Variants in CEP70 observed in about 807,000 individuals in gnomAD.
CEP70 encodes centrosomal protein 70.
Under a neutral mutation model 90.9 loss-of-function variants are expected in CEP70, and 70 were observed. The ratio of observed to expected loss-of-function variants is 0.77; its 90% CI spans 0.64 to 0.94. The LOEUF is 0.94. Ranked by LOEUF, CEP70 falls within the 40% of genes least tolerant of loss-of-function variation. The pLI is 0.00. For missense variants in CEP70, 648 were observed against 669.0 expected (o/e 0.97, Z 0.35); for synonymous variants, 220 against 228.3 (o/e 0.96, Z 0.33).
In CEP70 at chr3:138,494,999, A is replaced by T; in HGVS notation, c.*16T>A. On this transcript the variant is annotated 3_prime_UTR_variant, in exon 18 of 18. Transcript: ENST00000264982. ...TAAGAATACAATTTACACAGTAAAA[A>T]TGATTTGATTTGTTTTCAGTATGAA... 1 of 1,311,600 alleles carries T rather than the reference A, an allele frequency of 7.6e-7. No homozygotes were observed. Among genetic ancestry groups the T allele is most frequent in the Non-Finnish European group, 1.1e-6 (1 of 920,382 alleles). 81.2% of individuals were successfully genotyped at this position (1,311,600 alleles called of 1,614,324 possible).
At chr3:138,548,647 T>G (rs1284278151) in intron 6 of CEP70, among the ~76,000 whole-genome samples, 1 of 152,148 alleles carries the variant, frequency 6.6e-6, no homozygotes, top group Non-Finnish European at 1.5e-5. Context: ...CACCATGAAC[T>G]ACAGTGTAAA....
intron 11 of CEP70, among the ~76,000 whole-genome samples, chr3:138,523,745 A>C (rs2036923030): frequency 6.6e-6 from 1 of 152,210 alleles, no homozygotes; most frequent in South Asian, 2.1e-4. Flanking sequence ...AAATGGAAGA[A>C]CGTTCCATGC....
At chr3:138,563,322 CT>C (rs1355540051) in intron 6 of CEP70, among the ~76,000 whole-genome samples, 1 of 152,110 alleles carries the variant, frequency 6.6e-6, no homozygotes, top group Non-Finnish European at 1.5e-5. Context: ...ATATTTAGGA[CT>C]TGAACTCAGC....
At chr3:138,562,359 C>T (rs183681768) in intron 6 of CEP70, among the ~76,000 whole-genome samples, 73 of 152,152 alleles carry the variant, frequency 4.8e-4, no homozygotes, top group Non-Finnish European at 1.0e-4. Flanking sequence ...AAACAGAGAA[C>T]ACCACAAAGA....
At chr3:138,499,476 A>G (rs1165356463) in intron 16 of CEP70, among the ~76,000 whole-genome samples, 1 of 152,200 alleles carries the variant, frequency 6.6e-6, no homozygotes, top group East Asian at 1.9e-4. Context: ...TGTTGCTAAC[A>G]AGGTTTGAAT....
intron 2 of CEP70, among the ~76,000 whole-genome samples, chr3:138,577,625 G>C (rs2041621496): frequency 1.3e-5 from 2 of 152,122 alleles, no homozygotes; most frequent in African/African-American, 4.8e-5. Context: ...TCCAGCCTGG[G>C]TGACAGAGAG....
chr3:138,577,727 A>G (rs1214390232), intron 2 of CEP70, among the ~76,000 whole-genome samples: 1 of 152,196 alleles, frequency 6.6e-6, no homozygotes, highest in Non-Finnish European at 1.5e-5. Context: ...AGAAAAGCAC[A>G]TGGTACTTGA....
At chr3:138,500,657 G>A in intron 14 of CEP70, 78 bp downstream of exon 14, 1 of 1,492,002 alleles carries the variant, frequency 6.7e-7, no homozygotes, top group Admixed American at 2.3e-5. Context: ...AACTCTAGTA[G>A]AACAAATATC....
chr3:138,506,447 C>T (rs1461367511), intron 12 of CEP70, among the ~76,000 whole-genome samples: 2 of 152,122 alleles, frequency 1.3e-5, no homozygotes, highest in African/African-American at 4.8e-5. Context: ...ATGGGTTCTA[C>T]CTTACATATC....
chr3:138,552,624 C>T (rs890661612), intron 6 of CEP70, among the ~76,000 whole-genome samples: 14 of 151,724 alleles, frequency 9.2e-5, no homozygotes, highest in African/African-American at 2.7e-4. Context: ...TTCTTTGAAC[C>T]GAGAGATAAT....
At position 138,500,797 on chromosome 3, in the gene CEP70, T is replaced by C; in HGVS notation, c.1306A>G (p.Lys436Glu). ...LKKQDENEGI[K>E]VEDLLFIVDT... ...ACTATAAACAACAAATCTTCAACTT[T>C]GATACCTTCATTTTCATCCTGCTTC... The change falls in exon 14 of 18, where the codon AAA becomes GAA. Residue 436 changes from lysine to glutamate, a missense_variant. Coordinates refer to ENST00000264982, the MANE Select transcript of CEP70 (RefSeq NM_024491.4). 6.2e-7 allele frequency: 1 copy of C among 1,606,160 alleles called. No individual in the cohort carries two copies. The highest frequency in any genetic ancestry group is 1.1e-5 in the South Asian group (1 of 90,230).
At chr3:138,510,227 A>C (rs1026318354) in intron 11 of CEP70, among the ~76,000 whole-genome samples, 1 of 151,398 alleles carries the variant, frequency 6.6e-6, no homozygotes, top group Admixed American at 6.6e-5. Flanking sequence ...CAGCCTGGGC[A>C]ACATGGTGAA....
At chr3:138,548,873 T>C (rs2039412982) in intron 6 of CEP70, among the ~76,000 whole-genome samples, 1 of 152,088 alleles carries the variant, frequency 6.6e-6, no homozygotes, top group South Asian at 2.1e-4. Context: ...ACCCCAAATA[T>C]TGTGAATGCC....
intron 2 of CEP70, among the ~76,000 whole-genome samples, chr3:138,587,336 T>C (rs1425118407): frequency 1.3e-5 from 2 of 151,516 alleles, no homozygotes; most frequent in Non-Finnish European, 2.9e-5. Context: ...ATGACAAAGA[T>C]AGGCAAAGAA....
chr3:138,530,804 A>AT, intron 8 of CEP70: 1 of 984,918 alleles, frequency 1.0e-6, no homozygotes, highest in Non-Finnish European at 1.2e-6. Context: ...GATGATACCT[A>AT]TATCCTATTT....
rs185745196 is a variant in CEP70, at chr3:138,537,583, T to C, written c.466-236A>G. 8.5e-5 allele frequency among the ~76,000 whole-genome samples: 13 copies of C among 152,310 alleles called. No individual in the cohort carries two copies. The East Asian group carries it at 2.5e-3, about 29-fold the overall frequency. ...GGGGAAACTACAGTTCATAATTGCGTGCATTCAAGACATTTCTTACCAAGT... is the reference window on the plus strand; with the variant it reads ...GGGGAAACTACAGTTCATAATTGCGCGCATTCAAGACATTTCTTACCAAGT... On this transcript the variant is annotated intron_variant, in intron 6 of 17. Coordinates refer to ENST00000264982, the MANE Select transcript of CEP70 (RefSeq NM_024491.4).
chr3:138,554,125 T>C (rs1169151666), intron 6 of CEP70, among the ~76,000 whole-genome samples: 3 of 150,754 alleles, frequency 2.0e-5, no homozygotes, highest in African/African-American at 7.3e-5. Context: ...CGCCTGAACC[T>C]GGGAGGCGGA....
At chr3:138,504,483 C>T (rs573715092) in intron 13 of CEP70, among the ~76,000 whole-genome samples, 9 of 152,298 alleles carry the variant, frequency 5.9e-5, no homozygotes, top group Admixed American at 2.0e-4. Context: ...CTTATACATT[C>T]TTAACAGATA....
intron 13 of CEP70, among the ~76,000 whole-genome samples, chr3:138,502,292 A>G (rs1007796057): frequency 1.5e-4 from 23 of 152,280 alleles, no homozygotes; most frequent in African/African-American, 5.5e-4. Context: ...AGTGATCAAT[A>G]ACCACATGCA....
Sources: gnomAD v4.1 joint callset for allele counts (sites outside exome capture counted in the v4.1 genomes callset) on GRCh38, gnomAD v4.1.1 for gene constraint, MANE v1.5 for transcripts, NCBI Gene and HGNC (gene_info 2026-07-23, HGNC 2026-07-21) for gene names.